Variants in VPS13D observed in about 807,000 individuals in gnomAD.
VPS13D encodes intermembrane lipid transfer protein VPS13D.
Under a neutral mutation model 461.9 loss-of-function variants are expected in VPS13D, and 187 were observed. The ratio of observed to expected loss-of-function variants is 0.40; its 90% CI spans 0.36 to 0.46. The LOEUF is 0.46. Ranked by LOEUF, VPS13D falls within the 20% of genes least tolerant of loss-of-function variation. The probability of loss-of-function intolerance (pLI) is 0.60; values close to 1 mark genes in which losing one functional copy is unlikely to be tolerated. For missense variants in VPS13D, 4,711 were observed against 5,364.9 expected, an observed-to-expected ratio of 0.88 and a Z score of 3.81; for synonymous variants, 1,951 against 1,986.3, an observed-to-expected ratio of 0.98 and a Z score of 0.47.
chr1:12,386,158 G>A (rs1332771701), intron 59 of VPS13D, 27 bp from the exon 60 acceptor site: 2 of 1,595,922 alleles, frequency 1.3e-6, no homozygotes, highest in African/African-American at 2.7e-5. Context: ...AAAACAATCA[G>A]GGTGCCATAT....
Sources: gnomAD v4.1 joint callset for allele counts on GRCh38, gnomAD v4.1.1 for gene constraint, MANE v1.5 for transcripts, NCBI Gene and HGNC (gene_info 2026-07-23, HGNC 2026-07-21) for gene names.